Variants in MPIG6B observed in about 807,000 individuals in gnomAD.
MPIG6B encodes the protein megakaryocyte and platelet inhibitory receptor G6b, also known as immunoglobulin receptor.
In MPIG6B, 22 loss-of-function variants were observed where a neutral mutation model predicts 24.2. The observed-to-expected ratio is 0.91, with a 90% CI of 0.65 to 1.30. The LOEUF (loss-of-function observed/expected upper bound fraction) is 1.30, where lower values mean the gene tolerates loss of function less well. MPIG6B is among the 50% of genes most tolerant of loss of function. The pLI, the probability that MPIG6B is intolerant of heterozygous loss-of-function variation, is 0.00. For synonymous variants in MPIG6B, 136 were observed against 142.0 expected (o/e 0.96, Z 0.30); for missense variants, 301 against 318.5 (o/e 0.94, Z 0.42).
chr6:31,723,328 C>T (rs112943189), upstream of MPIG6B: 85 of 1,515,202 alleles, frequency 5.6e-5, no homozygotes, highest in Middle Eastern at 2.0e-4. This position sits in a 1 kb window ranked among gnomAD's most constrained non-coding sequence, Gnocchi z 4.3. Flanking sequence ...CGGTCCCCCC[C>T]CAACCGGCCC....
chr6:31,724,523 C>T (rs974707802), intron 3 of MPIG6B, 64 bp from the exon 4 acceptor site: 10 of 1,396,360 alleles, frequency 7.2e-6, no homozygotes, highest in East Asian at 4.6e-5. Context: ...CTTGGCGTGG[C>T]GAGTCCCAGG....
In MPIG6B at chr6:31,725,452, T is replaced by C. The variant is rs1251989672; in HGVS notation, c.*378T>C. ...ACACCATTCTCCTGCCTCAGGCTCCTGAGTAGCTGGGACTACAGGCGCCCG... is the reference window on the plus strand; with the variant it reads ...ACACCATTCTCCTGCCTCAGGCTCCCGAGTAGCTGGGACTACAGGCGCCCG... On this transcript the variant is annotated 3_prime_UTR_variant, in exon 6 of 6. Transcript: ENST00000649779. This position sits in a 1 kb window ranked among gnomAD's most constrained non-coding sequence, Gnocchi z 5.2. 5.3e-6 allele frequency: 1 copy of C among 186,944 alleles called. No individual in the cohort carries two copies. The highest frequency in any genetic ancestry group is 6.0e-5 in the Admixed American group (1 of 16,754). 11.6% of individuals were successfully genotyped at this position (186,944 alleles called of 1,614,324 possible).
Position 31,723,919 on chromosome 6 carries a change from C to A in MPIG6B, c.342C>A (p.Asp114Glu). 1 of 1,593,652 alleles carries A rather than the reference C, an allele frequency of 6.3e-7. No homozygotes were observed. Among genetic ancestry groups the A allele is most frequent in the Non-Finnish European group, 8.5e-7 (1 of 1,169,788 alleles). The change falls in exon 2 of 6, where the codon GAC becomes GAA. Residue 114 changes from aspartate (D) to glutamate (E), a missense_variant. By Grantham distance (45) the Asp-to-Glu change is conservative. Coordinates refer to ENST00000649779, the MANE Select transcript of MPIG6B (RefSeq NM_138272.3). The surrounding 1 kb of genome is among the most constrained non-coding windows in gnomAD (Gnocchi z 4.3). The part of the protein sequence containing the change: ...GTFFCKGRHE[D>E]ESRTVLHVLG... ...TTTTCTGCAAGGGCCGCCACGAGGACGAGAGCCGTACAGTGCTTCACGTGC... is the reference window on the plus strand; with the variant it reads ...TTTTCTGCAAGGGCCGCCACGAGGAAGAGAGCCGTACAGTGCTTCACGTGC...
At chr6:31,724,069 T>G in intron 2 of MPIG6B, 73 bp from the exon 3 acceptor site, 1 of 1,573,052 alleles carries the variant, frequency 6.4e-7, no homozygotes, top group East Asian at 2.2e-5. Flanking sequence ...TGGGGGTTCT[T>G]GAGCGGGACT....
In MPIG6B at chr6:31,723,879, G is replaced by C; in HGVS notation, c.302G>C (p.Gly101Ala). ...CGGCTGGAGCTCCTCTTGAGCGCGG[G>C]GGACTCGGGCACTTTTTTCTGCAAG... ...IRRLELLLSA[G>A]DSGTFFCKGR... is the part of the protein sequence containing the mutation. Residue 101 changes from glycine to alanine, a missense_variant, in exon 2 of 6, where the codon GGG becomes GCG. Coordinates refer to ENST00000649779, the MANE Select transcript of MPIG6B (RefSeq NM_138272.3). This position sits in a 1 kb window ranked among gnomAD's most constrained non-coding sequence, Gnocchi z 4.3. The C allele has an allele frequency of 6.2e-7, 1 of 1,610,062 alleles. No individual in the cohort carries two copies. The highest frequency in any genetic ancestry group is 8.5e-7 in the Non-Finnish European group (1 of 1,178,024).
In MPIG6B at chr6:31,723,757, C is replaced by CCCTT; in HGVS notation, c.181_182insCTTC (p.Arg61ProfsTer120). The CCCTT allele has an allele frequency of 6.2e-7, 1 of 1,613,782 alleles. No individual in the cohort carries two copies. On this transcript the variant is annotated frameshift_variant, in exon 2 of 6. Transcript: ENST00000649779. LOFTEE classifies it high-confidence loss of function. This position sits in a 1 kb window ranked among gnomAD's most constrained non-coding sequence, Gnocchi z 4.3. Reference sequence around the variant, plus strand: ...CCTGCAAGGGCCTGTCCAAAGGACGCCGACCGATCCTGTGGGCCTCTTCGA... The same window carrying CCCTT: ...CCTGCAAGGGCCTGTCCAAAGGACGCCCTTCGACCGATCCTGTGGGCCTCTTCGA...
At chr6:31,721,943 G>C (rs1455988451), upstream of MPIG6B, 1 of 475,598 alleles carries the variant, frequency 2.1e-6, no homozygotes, top group Non-Finnish European at 3.7e-6. Flanking sequence ...AGTGGCCAAT[G>C]CCATTGTGGT....
At chr6:31,724,922 A>C (rs1583828516) in intron 5 of MPIG6B, 48 bp from the exon 6 acceptor site, 1 of 1,604,770 alleles carries the variant, frequency 6.2e-7, no homozygotes, top group African/African-American at 1.4e-5. Context: ...CCTGAACCCC[A>C]AGGAAGACTG....
At chr6:31,724,430 G>A (rs1383112802) in intron 3 of MPIG6B, among the ~76,000 whole-genome samples, 157 bp from the exon 4 acceptor site, 1 of 152,190 alleles carries the variant, frequency 6.6e-6, no homozygotes, top group Non-Finnish European at 1.5e-5. Flanking sequence ...TGGAAGTGCA[G>A]CAGAGTTAGA....
Position 31,723,846 on chromosome 6 carries a change from G to T in MPIG6B, c.269G>T (p.Gly90Val). 1.2e-6 allele frequency: 2 copies of T among 1,610,594 alleles called. No homozygotes were observed. The highest frequency in any genetic ancestry group is 2.2e-5 in the South Asian group (2 of 90,650). Residue 90 changes from glycine to valine, a missense_variant, in exon 2 of 6, where the codon GGT (glycine) becomes GTT (valine). Coordinates refer to ENST00000649779, the MANE Select transcript of MPIG6B (RefSeq NM_138272.3). The surrounding 1 kb of genome is among the most constrained non-coding windows in gnomAD (Gnocchi z 4.3). The part of the protein sequence containing the change: ...FVGRLRSLDS[G>V]IRRLELLLSA... ...GGCCGCCTACGCTCCCTGGACTCTG[G>T]TATCCGGCGGCTGGAGCTCCTCTTG... is the stretch of plus-strand genomic sequence containing the variant.
chr6:31,725,318 A>G lies in MPIG6B; in HGVS notation c.*244A>G. 4.2e-6 allele frequency: 2 copies of G among 470,832 alleles called. No homozygotes were observed. Among genetic ancestry groups the G allele is most frequent in the Non-Finnish European group, 3.7e-6 (1 of 268,366 alleles). 29.2% of individuals were successfully genotyped at this position (470,832 alleles called of 1,614,324 possible). On this transcript the variant is annotated 3_prime_UTR_variant, in exon 6 of 6. Coordinates refer to ENST00000649779, the MANE Select transcript of MPIG6B (RefSeq NM_138272.3). The surrounding 1 kb of genome is among the most constrained non-coding windows in gnomAD (Gnocchi z 5.2). ...ACCAGTGTCCTCTCTATACCCAATC[A>G]AGCCCTAGCTCCTTTTTTTTTTTTT...
chr6:31,723,682 C>A lies in MPIG6B; in HGVS notation c.105C>A (p.Cys35Ter), dbSNP rs1554196017. ...CTGGGGACCGGGTGAATCTCTCCTG[C>A]GGAGGAGTCTCTCATCCCATCCGCT... Reference protein sequence around the residue: ...GRPGDRVNLSCGGVSHPIRWV... With the variant: ...GRPGDRVNLS Residue 35 changes from cysteine to a stop codon, truncating the protein, a stop_gained, in exon 2 of 6, where the codon TGC becomes TGA. Transcript: ENST00000649779. LOFTEE classifies it high-confidence loss of function. This position sits in a 1 kb window ranked among gnomAD's most constrained non-coding sequence, Gnocchi z 4.3. 2.5e-6 allele frequency: 4 copies of A among 1,601,554 alleles called. No homozygotes were observed. Among genetic ancestry groups the A allele is most frequent in the Admixed American group, 1.7e-5 (1 of 58,460 alleles).
At chr6:31,724,441 G>T in intron 3 of MPIG6B, 146 bp from the exon 4 acceptor site, 2 of 813,152 alleles carry the variant, frequency 2.5e-6, no homozygotes, top group Non-Finnish European at 4.2e-6. Context: ...CAGAGTTAGA[G>T]CCTGGGCTGG....
rs201689337 is a variant in MPIG6B at position 31,724,952 on chromosome 6, C to T, written c.622-18C>T. On this transcript the variant is annotated intron_variant, in intron 5 of 5. Transcript: ENST00000649779. ...AGACTGTGGAGACCATCTTGTCTTC[C>T]TCCCCTTCCTCCTCCAGAGCCTGCT... 261 of 1,612,502 alleles carry T rather than the reference C, an allele frequency of 1.6e-4. No homozygotes were observed. The highest frequency in any genetic ancestry group is 2.1e-4 in the Non-Finnish European group (247 of 1,179,260).
upstream of MPIG6B, chr6:31,721,506 T>C (rs1234131646): frequency 3.6e-6 from 3 of 823,858 alleles, no homozygotes; most frequent in Non-Finnish European, 5.9e-6. Flanking sequence ...ACAGGAGAGC[T>C]GAGCCAGTTG....
chr6:31,723,177 A>G (rs1286126997), upstream of MPIG6B: 1 of 613,744 alleles, frequency 1.6e-6, no homozygotes, highest in Admixed American at 2.8e-5. The surrounding 1 kb of genome is among the most constrained non-coding windows in gnomAD (Gnocchi z 4.3). Flanking sequence ...TGGCCCGAGC[A>G]CACATTTTAA....
In MPIG6B at chr6:31,723,818, G is replaced by T. The variant is rs534806611; in HGVS notation, c.241G>T (p.Val81Phe). The T allele has an allele frequency of 6.2e-7, 1 of 1,613,658 alleles. No individual in the cohort carries two copies. The highest frequency in any genetic ancestry group is 1.3e-5 in the African/African-American group (1 of 75,006). Residue 81 changes from valine (V) to phenylalanine (F), a missense_variant, in exon 2 of 6, where the codon GTC becomes TTC. Transcript: ENST00000649779. The surrounding 1 kb of genome is among the most constrained non-coding windows in gnomAD (Gnocchi z 4.3). The stretch of plus-strand genomic sequence containing the variant: ...CACCGTGCCTCCCCTCCAGCCTTTC[G>T]TCGGCCGCCTACGCTCCCTGGACTC... ...TPTVPPLQPF[V>F]GRLRSLDSGI...
rs1029718199 is a variant in MPIG6B, at chr6:31,724,137, C to G, written c.410-5C>G. On this transcript the variant is annotated splice_region_variant and splice_polypyrimidine_tract_variant and intron_variant, in intron 2 of 5. Transcript: ENST00000649779. Reference sequence around the variant, plus strand: ...GCATCCCTCCCCGCCACGCCTTTCCCCCAGGGTCCGTGTATCCCCAGCTCC... The same window carrying G: ...GCATCCCTCCCCGCCACGCCTTTCCGCCAGGGTCCGTGTATCCCCAGCTCC... 1.2e-6 allele frequency: 2 copies of G among 1,612,304 alleles called. No individual in the cohort carries two copies. The highest frequency in any genetic ancestry group is 1.7e-6 in the Non-Finnish European group (2 of 1,179,380).
chr6:31,723,205 A>C, upstream of MPIG6B: 1 of 645,710 alleles, frequency 1.5e-6, no homozygotes, highest in Non-Finnish European at 2.8e-6. The surrounding 1 kb of genome is among the most constrained non-coding windows in gnomAD (Gnocchi z 4.3). Context: ...CCATTTGAAG[A>C]CTCCGAGTTT....
Sources: allele counts gnomAD v4.1 joint callset (sites outside exome capture counted in the v4.1 genomes callset), GRCh38; gene constraint gnomAD v4.1.1; non-coding constraint Gnocchi (gnomAD v3.1); transcripts MANE v1.5; gene names NCBI Gene and HGNC (gene_info 2026-07-23, HGNC 2026-07-21).